ZNF471: variants seen among roughly 807,000 people sequenced by gnomAD.
The protein encoded by ZNF471 is zinc finger protein 471.
In ZNF471, 7 loss-of-function variants were observed where a neutral mutation model predicts 13.7. The ratio of observed to expected loss-of-function variants is 0.51; its 90% CI spans 0.29 to 0.96. The LOEUF (loss-of-function observed/expected upper bound fraction) is 0.96, where lower values mean the gene tolerates loss of function less well. ZNF471 is among the 40% of genes least tolerant of loss of function. The pLI, the probability that ZNF471 is intolerant of heterozygous loss-of-function variation, is 0.08. For missense variants in ZNF471, 663 were observed against 743.3 expected (o/e 0.89, Z 1.26); for synonymous variants, 218 against 235.6 (o/e 0.93, Z 0.68).
Position 56,510,128 on chromosome 19 carries a change from A to C in ZNF471, c.-55-1389A>C. ...GGTAGGTTGTGAGAGGGTGTATCAC[A>C]GTATGAAAAAGATTGGAGTGAGAGT... On this transcript the variant is annotated intron_variant, in intron 1 of 4. Transcript: ENST00000308031. The surrounding 1 kb of genome is among the most constrained non-coding windows in gnomAD (Gnocchi z 4.3). 26 of 985,540 alleles carry C rather than the reference A, an allele frequency of 2.6e-5. No individual in the cohort carries two copies. Among genetic ancestry groups the C allele is most frequent in the Non-Finnish European group, 3.1e-5 (26 of 830,006 alleles). 61.0% of individuals were successfully genotyped at this position (985,540 alleles called of 1,614,324 possible). A position where few individuals can be genotyped will look rare whatever the true frequency, so the allele number is the denominator to read the frequency against.
chr19:56,525,462 G>A lies in ZNF471; in HGVS notation c.1395G>A (p.Gly465=). 6.2e-7 allele frequency: 1 copy of A among 1,614,024 alleles called. No individual in the cohort carries two copies. Among genetic ancestry groups the A allele is most frequent in the Non-Finnish European group, 8.5e-7 (1 of 1,180,020 alleles). The change falls in exon 5 of 5, where the codon GGG becomes GGA. Residue 465 remains glycine, a synonymous_variant. Transcript: ENST00000308031. ...AACCGTATGAATGCAAGGAATGTGG[G>A]AAAGCCTTTAGGCAGAATGTACACC... is the stretch of plus-strand genomic sequence containing the variant. ...GEKPYECKEC[G]KAFRQNVHLV... is the part of the protein sequence containing the mutation.
In ZNF471 at chr19:56,516,721, A is replaced by T. The variant is rs1432200022; in HGVS notation, c.160+320A>T. On this transcript the variant is annotated intron_variant, in intron 3 of 4. Transcript: ENST00000308031. The surrounding 1 kb of genome is among the most constrained non-coding windows in gnomAD (Gnocchi z 4.4). ...TAGACAACAACAAGGTTCACAAAGA[A>T]TATATAGCTAGATTACTATAAATTC... 6.6e-6 allele frequency among the ~76,000 whole-genome samples: 1 copy of T among 152,230 alleles called. No homozygotes were observed. The highest frequency in any genetic ancestry group is 1.5e-5 in the Non-Finnish European group (1 of 68,032).
rs1432200022 is a variant in ZNF471 at position 56,516,721 on chromosome 19, A to G, written c.160+320A>G. On this transcript the variant is annotated intron_variant, in intron 3 of 4. Coordinates refer to ENST00000308031, the MANE Select transcript of ZNF471 (RefSeq NM_020813.4). The surrounding 1 kb of genome is among the most constrained non-coding windows in gnomAD (Gnocchi z 4.4). ...TAGACAACAACAAGGTTCACAAAGA[A>G]TATATAGCTAGATTACTATAAATTC... Among the ~76,000 whole-genome samples, 1 of 152,230 alleles carries G rather than the reference A, an allele frequency of 6.6e-6. No homozygotes were observed. Among genetic ancestry groups the G allele is most frequent in the African/African-American group, 2.4e-5 (1 of 41,468 alleles).
Position 56,525,223 on chromosome 19 carries a change from G to T in ZNF471, c.1156G>T (p.Val386Phe). The change falls in exon 5 of 5, where the codon GTT becomes TTT. Residue 386 changes from valine to phenylalanine, a missense_variant. Physicochemically the swap from Val to Phe is conservative, Grantham distance 50 (BLOSUM62 -1). Coordinates refer to ENST00000308031, the MANE Select transcript of ZNF471 (RefSeq NM_020813.4). ...NCIDCGKAFS[V>F]HIGLILHRRI... Reference sequence around the variant, plus strand: ...CATTGATTGTGGGAAAGCCTTCAGTGTTCACATAGGACTTATTCTGCATAG... The same window carrying T: ...CATTGATTGTGGGAAAGCCTTCAGTTTTCACATAGGACTTATTCTGCATAG... The T allele has an allele frequency of 3.1e-6, 5 of 1,613,908 alleles. No individual in the cohort carries two copies. The highest frequency in any genetic ancestry group is 4.2e-6 in the Non-Finnish European group (5 of 1,179,960).
At chr19:56,509,566 G>C (rs2043780906) in intron 1 of ZNF471, among the ~76,000 whole-genome samples, 1 of 152,154 alleles carries the variant, frequency 6.6e-6, no homozygotes, top group Non-Finnish European at 1.5e-5. Flanking sequence ...AATTTTGTAG[G>C]GCTGAGCCCT....
At position 56,516,426 on chromosome 19, in the gene ZNF471, A is replaced by G. The variant is rs1438239093; in HGVS notation, c.160+25A>G. ...GGTGAGGATCTTTTCCCTCCTGCAT[A>G]ATCTACCTTTAAGGAACTTTTTTGT... On this transcript the variant is annotated intron_variant, in intron 3 of 4. Coordinates refer to ENST00000308031, the MANE Select transcript of ZNF471 (RefSeq NM_020813.4). This position sits in a 1 kb window ranked among gnomAD's most constrained non-coding sequence, Gnocchi z 4.4. 28 of 1,589,774 alleles carry G rather than the reference A, an allele frequency of 1.8e-5. No homozygotes were observed. The highest frequency in any genetic ancestry group is 2.4e-5 in the Non-Finnish European group (28 of 1,170,944).
At chr19:56,511,875 T>C (rs2043817198) in intron 2 of ZNF471, among the ~76,000 whole-genome samples, 1 of 152,212 alleles carries the variant, frequency 6.6e-6, no homozygotes, top group African/African-American at 2.4e-5. Context: ...TGATTTATGT[T>C]GTGTGGAATA....
Position 56,520,306 on chromosome 19 carries a change from T to C in ZNF471, c.256+1729T>C, listed in dbSNP as rs1193348332. On this transcript the variant is annotated intron_variant, in intron 4 of 4. Transcript: ENST00000308031. ...TATGCATAAGATATCTTAGTGTCTG[T>C]TAAAAAAGGCCAGGAAATGAGGAAC... is the stretch of plus-strand genomic sequence containing the variant. Among the ~76,000 whole-genome samples the C allele has an allele frequency of 5.9e-5, 9 of 152,130 alleles. 1 individual carries two copies.
At position 56,524,755 on chromosome 19, in the gene ZNF471, G is replaced by T; in HGVS notation, c.688G>T (p.Gly230Cys). ...TACTGTTCATTTTAGAATTCATACT[G>T]GTGAAAAACCATATGCATGTGAGGA... Reference protein sequence around the residue: ...SLTVHFRIHTGEKPYACEECG... With the variant: ...SLTVHFRIHTCEKPYACEECG... Residue 230 changes from glycine to cysteine, a missense_variant, in exon 5 of 5, where the codon GGT (glycine) becomes TGT (cysteine). Physicochemically the swap from Gly to Cys is radical, Grantham distance 159 (BLOSUM62 -3). Transcript: ENST00000308031. The surrounding 1 kb of genome is among the most constrained non-coding windows in gnomAD (Gnocchi z 4.8). 1 of 1,609,986 alleles carries T rather than the reference G, an allele frequency of 6.2e-7. No individual in the cohort carries two copies. The highest frequency in any genetic ancestry group is 8.5e-7 in the Non-Finnish European group (1 of 1,178,774).
rs1350273572 is a variant in ZNF471, at chr19:56,518,718, T to G, written c.256+141T>G. ...TGGAGAGAAAACTGAAACTTTATGC[T>G]TCACATGGGCCCCTCAAATATCTTC... On this transcript the variant is annotated intron_variant, in intron 4 of 4. Transcript: ENST00000308031. The G allele has an allele frequency of 4.9e-5, 29 of 589,776 alleles. No homozygotes were observed. The South Asian group carries it at 7.5e-4, about 15-fold the overall frequency. 36.5% of individuals were successfully genotyped at this position (589,776 alleles called of 1,614,324 possible).
Position 56,528,884 on chromosome 19 carries a change from AGTT to A in ZNF471, c.*2940_*2942del, listed in dbSNP as rs1182260313. On this transcript the variant is annotated 3_prime_UTR_variant, in exon 5 of 5. Transcript: ENST00000308031. ...AGATTTATTCTAACCTTCCAAGTAA[AGTT>A]GTTCCACTAGTAAAGTTGTTCTGGA... The A allele has an allele frequency of 6.6e-6, 1 of 152,080 alleles. No individual in the cohort carries two copies. The highest frequency in any genetic ancestry group is 2.4e-5 in the African/African-American group (1 of 41,510). 9.4% of individuals were successfully genotyped at this position (152,080 alleles called of 1,614,324 possible).
Position 56,527,812 on chromosome 19 carries a change from T to C in ZNF471, c.*1864T>C, listed in dbSNP as rs573876738. ...ACACCTTGCTCATTAGTGAGTTCATTTCAGGCAGCCAGCTCTTCCTCACCC... is the reference window on the plus strand; with the variant it reads ...ACACCTTGCTCATTAGTGAGTTCATCTCAGGCAGCCAGCTCTTCCTCACCC... On this transcript the variant is annotated 3_prime_UTR_variant, in exon 5 of 5. Transcript: ENST00000308031. 6.6e-5 allele frequency: 10 copies of C among 152,332 alleles called. No individual in the cohort carries two copies. Among genetic ancestry groups the C allele is most frequent in the South Asian group, 2.1e-4 (1 of 4,826 alleles). 9.4% of individuals were successfully genotyped at this position (152,332 alleles called of 1,614,324 possible).
rs770074435 is a variant in ZNF471 at position 56,524,895 on chromosome 19, CCTT to C, written c.829_831del (p.Leu277del). On this transcript the variant is annotated inframe_deletion, in exon 5 of 5. Coordinates refer to ENST00000308031, the MANE Select transcript of ZNF471 (RefSeq NM_020813.4). This position sits in a 1 kb window ranked among gnomAD's most constrained non-coding sequence, Gnocchi z 4.8. ...GGAAAGCCTTCAAACAAAGTGAACACCTTATTCAGCATCAAAGAATTCATACTG... is the reference window on the plus strand; with the variant it reads ...GGAAAGCCTTCAAACAAAGTGAACACATTCAGCATCAAAGAATTCATACTG... The C allele has an allele frequency of 6.2e-7, 1 of 1,612,538 alleles. No homozygotes were observed. Among genetic ancestry groups the C allele is most frequent in the Non-Finnish European group, 8.5e-7 (1 of 1,179,410 alleles).
chr19:56,511,123 C>A, intron 1 of ZNF471: 3 of 834,376 alleles, frequency 3.6e-6, no homozygotes, highest in Non-Finnish European at 4.3e-6. Flanking sequence ...AAAACCCCAT[C>A]CATCTGGCCC....
rs542482633 is a variant in ZNF471, at chr19:56,527,944, A to T, written c.*1996A>T. ...ACAGTCATTTCACCTGGACTATTTC[A>T]ATCATTACACAGGTGTCCAACCTTT... On this transcript the variant is annotated 3_prime_UTR_variant, in exon 5 of 5. Coordinates refer to ENST00000308031, the MANE Select transcript of ZNF471 (RefSeq NM_020813.4). The T allele has an allele frequency of 3.9e-4, 59 of 152,366 alleles. No individual in the cohort carries two copies. The highest frequency in any genetic ancestry group is 1.3e-3 in the African/African-American group (56 of 41,558). 9.4% of individuals were successfully genotyped at this position (152,366 alleles called of 1,614,324 possible).
rs2044089483 is a variant in ZNF471, at chr19:56,529,988, A to G, written c.*4040A>G. ...GTGCAGAAATATAGATGCATAAGCAAATGTGTTGCAGAATTGTGAAAAATT... is the reference window on the plus strand; with the variant it reads ...GTGCAGAAATATAGATGCATAAGCAGATGTGTTGCAGAATTGTGAAAAATT... On this transcript the variant is annotated 3_prime_UTR_variant, in exon 5 of 5. Coordinates refer to ENST00000308031, the MANE Select transcript of ZNF471 (RefSeq NM_020813.4). The G allele has an allele frequency of 6.6e-6, 1 of 152,260 alleles. No homozygotes were observed. 9.4% of individuals were successfully genotyped at this position (152,260 alleles called of 1,614,324 possible). A position where few individuals can be genotyped will look rare whatever the true frequency, so the allele number is the denominator to read the frequency against.
In ZNF471 at chr19:56,524,083, G is replaced by T. The variant is rs561933694; in HGVS notation, c.257-241G>T. On this transcript the variant is annotated intron_variant, in intron 4 of 4. Coordinates refer to ENST00000308031, the MANE Select transcript of ZNF471 (RefSeq NM_020813.4). This position sits in a 1 kb window ranked among gnomAD's most constrained non-coding sequence, Gnocchi z 4.8. ...AAGCAATCCACCTCAGCCTCCTAAA[G>T]TGCTGGGATTATAGGCCTAAACCAC... is the stretch of plus-strand genomic sequence containing the variant. Among the ~76,000 whole-genome samples, 1 of 152,224 alleles carries T rather than the reference G, an allele frequency of 6.6e-6. No homozygotes were observed. The highest frequency in any genetic ancestry group is 1.5e-5 in the Non-Finnish European group (1 of 68,028).
rs2044072320 is a variant in ZNF471, at chr19:56,528,404, A to G, written c.*2456A>G. The G allele has an allele frequency of 6.9e-6, 1 of 145,740 alleles. No homozygotes were observed. Among genetic ancestry groups the G allele is most frequent in the Non-Finnish European group, 1.5e-5 (1 of 66,102 alleles). The allele number at this position is 145,740 out of a possible 1,614,324, so 9.0% of individuals were successfully genotyped here. A position where few individuals can be genotyped will look rare whatever the true frequency, so the allele number is the denominator to read the frequency against. On this transcript the variant is annotated 3_prime_UTR_variant, in exon 5 of 5. Coordinates refer to ENST00000308031, the MANE Select transcript of ZNF471 (RefSeq NM_020813.4). ...GTCATAAAAATTTTGGAACCAAAACAGTATCTTTTTTTAAGCTAAAAAAAA... is the reference window on the plus strand; with the variant it reads ...GTCATAAAAATTTTGGAACCAAAACGGTATCTTTTTTTAAGCTAAAAAAAA...
At position 56,524,789 on chromosome 19, in the gene ZNF471, A is replaced by C; in HGVS notation, c.722A>C (p.Lys241Thr). Residue 241 changes from lysine (K) to threonine (T), a missense_variant, in exon 5 of 5, where the codon AAA becomes ACA. Lys to Thr is a moderately conservative substitution (Grantham distance 78). Coordinates refer to ENST00000308031, the MANE Select transcript of ZNF471 (RefSeq NM_020813.4). This position sits in a 1 kb window ranked among gnomAD's most constrained non-coding sequence, Gnocchi z 4.8. ...EKPYACEECG[K>T]AFKQRQHLAQ... ...CCATATGCATGTGAGGAATGTGGAA[A>C]AGCCTTCAAGCAAAGGCAACACCTT... is the stretch of plus-strand genomic sequence containing the variant. 1.2e-6 allele frequency: 2 copies of C among 1,613,214 alleles called. No homozygotes were observed. The highest frequency in any genetic ancestry group is 1.7e-6 in the Non-Finnish European group (2 of 1,179,690).
Sources: allele counts gnomAD v4.1 joint callset (sites outside exome capture counted in the v4.1 genomes callset), GRCh38; gene constraint gnomAD v4.1.1; non-coding constraint Gnocchi (gnomAD v3.1); transcripts MANE v1.5; gene names NCBI Gene and HGNC (gene_info 2026-07-23, HGNC 2026-07-21).